DRC11: variants seen among roughly 807,000 people sequenced by gnomAD.
The protein encoded by DRC11 is IQ and AAA domain-containing protein 1.
the DRC11 span, chr2:236,399,602 C>A: frequency 3.7e-6 from 3 of 817,996 alleles, no homozygotes; most frequent in African/African-American, 5.0e-5. The surrounding 1 kb of genome is among the most constrained non-coding windows in gnomAD (Gnocchi z 7.0). Context: ...TCCTGGTCCC[C>A]CTGGGCAGTG....
At chr2:236,409,100 A>G in the DRC11 span, 1 of 446,556 alleles carries the variant, frequency 2.2e-6, no homozygotes, top group Admixed American at 3.9e-5. Context: ...TCTTGCTGGT[A>G]GAGCCTAATT....
the DRC11 span, among the ~76,000 whole-genome samples, chr2:236,421,355 C>T: frequency 6.6e-6 from 1 of 151,952 alleles, no homozygotes; most frequent in Non-Finnish European, 1.5e-5. Flanking sequence ...CAAATAGATG[C>T]AATAAAAAAT....
the DRC11 span, chr2:236,380,535 A>T: frequency 6.6e-7 from 1 of 1,512,018 alleles, no homozygotes; most frequent in East Asian, 2.5e-5. The surrounding 1 kb of genome is among the most constrained non-coding windows in gnomAD (Gnocchi z 4.9). Context: ...GGGGCTGCTC[A>T]CGCGCATCAC....
chr2:236,440,997 T>C, the DRC11 span: 2 of 1,179,398 alleles, frequency 1.7e-6, no homozygotes, highest in Non-Finnish European at 2.5e-6. Flanking sequence ...TAAAGAAATG[T>C]CATTTGATAT....
At chr2:236,456,699 C>T in the DRC11 span, among the ~76,000 whole-genome samples, 24 of 152,330 alleles carry the variant, frequency 1.6e-4, no homozygotes, top group African/African-American at 5.8e-4. The surrounding 1 kb of genome is among the most constrained non-coding windows in gnomAD (Gnocchi z 5.4). Flanking sequence ...ACTGCCAGAG[C>T]TGGCACCTGA....
At chr2:236,501,202 C>G in the DRC11 span, among the ~76,000 whole-genome samples, 1 of 152,220 alleles carries the variant, frequency 6.6e-6, no homozygotes, top group South Asian at 2.1e-4. Flanking sequence ...ACAACCAGTT[C>G]TCATGATAAC....
chr2:236,419,062 T>A, the DRC11 span: 1 of 1,444,768 alleles, frequency 6.9e-7, no homozygotes, highest in Non-Finnish European at 9.1e-7. The surrounding 1 kb of genome is among the most constrained non-coding windows in gnomAD (Gnocchi z 4.8). Flanking sequence ...TCCCAACAGA[T>A]TTGTAAATAT....
the DRC11 span, among the ~76,000 whole-genome samples, chr2:236,353,146 C>A: frequency 6.6e-5 from 10 of 152,122 alleles, no homozygotes; most frequent in Non-Finnish European, 1.2e-4. This position sits in a 1 kb window ranked among gnomAD's most constrained non-coding sequence, Gnocchi z 5.0. Flanking sequence ...TTTAAATTAC[C>A]CACAGATAGT....
At chr2:236,491,218 A>AATAT in the DRC11 span, among the ~76,000 whole-genome samples, 2 of 42,584 alleles carry the variant, frequency 4.7e-5, no homozygotes, top group African/African-American at 3.1e-4. Flanking sequence ...ATATACACAC[A>AATAT]GTATATATAT....
the DRC11 span, chr2:236,487,891 T>C: frequency 1.6e-6 from 1 of 618,272 alleles, no homozygotes; most frequent in Non-Finnish European, 2.6e-6. Context: ...CTAGTTCTAT[T>C]AAGGGTAGGA....
chr2:236,488,462 T>C, the DRC11 span, among the ~76,000 whole-genome samples: 1 of 152,224 alleles, frequency 6.6e-6, no homozygotes. Flanking sequence ...CACGATATTT[T>C]AGGTTGGCAG....
At chr2:236,488,627 C>A in the DRC11 span, among the ~76,000 whole-genome samples, 1 of 152,180 alleles carries the variant, frequency 6.6e-6, no homozygotes, top group African/African-American at 2.4e-5. Flanking sequence ...AAATGCTGAT[C>A]TTAAAATCAA....
At chr2:236,449,564 C>T in the DRC11 span, among the ~76,000 whole-genome samples, 1 of 152,218 alleles carries the variant, frequency 6.6e-6, no homozygotes, top group Non-Finnish European at 1.5e-5. This position sits in a 1 kb window ranked among gnomAD's most constrained non-coding sequence, Gnocchi z 5.1. Flanking sequence ...CTCCTTTGCA[C>T]TGTCGGAGGC....
At chr2:236,504,401 T>C in the DRC11 span, among the ~76,000 whole-genome samples, 1 of 152,218 alleles carries the variant, frequency 6.6e-6, no homozygotes, top group Non-Finnish European at 1.5e-5. This position sits in a 1 kb window ranked among gnomAD's most constrained non-coding sequence, Gnocchi z 5.0. Context: ...GTAATGCTGC[T>C]AGAAGCATTC....
the DRC11 span, among the ~76,000 whole-genome samples, chr2:236,460,492 A>G: frequency 1.3e-5 from 2 of 152,180 alleles, no homozygotes; most frequent in Non-Finnish European, 2.9e-5. This position sits in a 1 kb window ranked among gnomAD's most constrained non-coding sequence, Gnocchi z 4.0. Context: ...CGGGTGCCCA[A>G]GGTATTATAC....
the DRC11 span, among the ~76,000 whole-genome samples, chr2:236,311,714 G>GTGTGTT: frequency 6.6e-6 from 1 of 151,664 alleles, no homozygotes; most frequent in Non-Finnish European, 1.5e-5. The surrounding 1 kb of genome is among the most constrained non-coding windows in gnomAD (Gnocchi z 6.9). Context: ...GTGTGTGTGT[G>GTGTGTT]TGTGTGTGTG....
the DRC11 span, chr2:236,493,869 T>C: frequency 1.9e-6 from 3 of 1,604,904 alleles, no homozygotes; most frequent in East Asian, 2.2e-5. Context: ...TACTTGGGTA[T>C]GGGAATATCT....
the DRC11 span, among the ~76,000 whole-genome samples, chr2:236,393,629 G>A: frequency 6.6e-6 from 1 of 152,242 alleles, no homozygotes; most frequent in Admixed American, 6.5e-5. This position sits in a 1 kb window ranked among gnomAD's most constrained non-coding sequence, Gnocchi z 4.7. Flanking sequence ...AACCACAGAG[G>A]ACCAGGAACT....
chr2:236,448,009 G>T, the DRC11 span, among the ~76,000 whole-genome samples: 246 of 152,346 alleles, frequency 1.6e-3, 1 homozygote, highest in Middle Eastern at 6.8e-3. The surrounding 1 kb of genome is among the most constrained non-coding windows in gnomAD (Gnocchi z 5.3). Flanking sequence ...AAGTATAATT[G>T]AGGGAAAGCT....
Sources: gnomAD v4.1 joint callset for allele counts (sites outside exome capture counted in the v4.1 genomes callset) on GRCh38, gnomAD v4.1.1 for gene constraint, Gnocchi (gnomAD v3.1) non-coding constraint, MANE v1.5 for transcripts, NCBI Gene and HGNC (gene_info 2026-07-23, HGNC 2026-07-21) for gene names.